PCDHGA7: variants seen among roughly 807,000 people sequenced by gnomAD.
PCDHGA7 encodes protocadherin gamma-A7.
A neutral mutation model predicts 58.3 loss-of-function variants in PCDHGA7; 44 were observed. The ratio of observed to expected loss-of-function variants is 0.75; its 90% confidence interval spans 0.59 to 0.97. PCDHGA7 has a LOEUF of 0.97. Ranked by LOEUF, PCDHGA7 falls within the 50% of genes least tolerant of loss-of-function variation. The pLI is 0.00. For synonymous variants in PCDHGA7, 516 were observed against 504.2 expected, an observed-to-expected ratio of 1.02 and a Z score of -0.31; for missense variants, 1,266 against 1,188.7, an observed-to-expected ratio of 1.06 and a Z score of -0.96.
intron 2 of PCDHGA7, among the ~76,000 whole-genome samples, chr5:141,504,490 TGC>T (rs2099838709): frequency 6.6e-6 from 1 of 152,056 alleles, no homozygotes; most frequent in Non-Finnish European, 1.5e-5. Flanking sequence ...TGGAGGCACC[TGC>T]CCAGTCTGAG....
intron 3 of PCDHGA7, among the ~76,000 whole-genome samples, chr5:141,509,262 ACT>A (rs761383166): frequency 9.2e-5 from 14 of 151,714 alleles, no homozygotes; most frequent in Non-Finnish European, 1.9e-4. Flanking sequence ...GGCTTTAGTC[ACT>A]CTCGCTACCC....
chr5:141,401,295 TCA>T (rs2094138879), intron 1 of PCDHGA7, among the ~76,000 whole-genome samples: 2 of 151,856 alleles, frequency 1.3e-5, no homozygotes, highest in Non-Finnish European at 2.9e-5. Flanking sequence ...TGAGCCGAGA[TCA>T]CTCCATTGCA....
Position 141,491,968 on chromosome 5 carries a change from G to GC in PCDHGA7, c.2425-2837dup. On this transcript the variant is annotated intron_variant, in intron 1 of 3. Coordinates refer to ENST00000518325, the MANE Select transcript of PCDHGA7 (RefSeq NM_018920.4). The surrounding 1 kb of genome is among the most constrained non-coding windows in gnomAD (Gnocchi z 6.9). ...ACCCCTACACTCAAAAAAGGCCGGG[G>GC]CCTCCTTCGAGCTTCCGGTGAATTT... 1.1e-6 allele frequency: 1 copy of GC among 923,644 alleles called. No homozygotes were observed. Among genetic ancestry groups the GC allele is most frequent in the Admixed American group, 3.6e-5 (1 of 27,548 alleles). 57.2% of individuals were successfully genotyped at this position (923,644 alleles called of 1,614,324 possible).
rs2150230162 is a variant in PCDHGA7, at chr5:141,383,367, G to T, written c.468G>T (p.Glu156Asp). The T allele has an allele frequency of 1.9e-6, 3 of 1,614,030 alleles. No individual in the cohort carries two copies. The East Asian group carries it at 6.7e-5, about 36-fold the overall frequency. ...TAPGVRFPLS[E>D]AGDPDVGTNS... ...CTGGGGTTCGGTTTCCGTTAAGCGA[G>T]GCTGGGGATCCAGATGTGGGCACGA... The change falls in exon 1 of 4, where the codon GAG (glutamate) becomes GAT (aspartate). Residue 156 changes from glutamate to aspartate, a missense_variant. Physicochemically the swap from Glu to Asp is conservative, Grantham distance 45 (BLOSUM62 2). Transcript: ENST00000518325.
intron 1 of PCDHGA7, chr5:141,407,937 C>G: frequency 2.0e-6 from 1 of 511,428 alleles, no homozygotes; most frequent in Non-Finnish European, 3.3e-6. Context: ...AGCCTCTGGG[C>G]GCCGCTGTCG....
intron 1 of PCDHGA7, chr5:141,393,608 A>G: frequency 6.2e-7 from 1 of 1,613,986 alleles, no homozygotes; most frequent in Non-Finnish European, 8.5e-7. Context: ...TTACTGTAAC[A>G]GCCAGCGACC....
In PCDHGA7 at chr5:141,491,105, C is replaced by T; in HGVS notation, c.2425-3702C>T. ...ACAGCCCCAGGACTGTTCCTCGTGTCTACACACACTGGTGAGGTGCGCACA... is the reference window on the plus strand; with the variant it reads ...ACAGCCCCAGGACTGTTCCTCGTGTTTACACACACTGGTGAGGTGCGCACA... On this transcript the variant is annotated intron_variant, in intron 1 of 3. Transcript: ENST00000518325. This position sits in a 1 kb window ranked among gnomAD's most constrained non-coding sequence, Gnocchi z 6.9. 1 of 1,614,222 alleles carries T rather than the reference C, an allele frequency of 6.2e-7. No individual in the cohort carries two copies. Among genetic ancestry groups the T allele is most frequent in the Non-Finnish European group, 8.5e-7 (1 of 1,180,032 alleles).
chr5:141,389,443 A>G (rs2091769935), intron 1 of PCDHGA7: 1 of 1,610,442 alleles, frequency 6.2e-7, no homozygotes, highest in Non-Finnish European at 8.5e-7. Context: ...GCCTTCGACC[A>G]CGAGCAGCTG....
At chr5:141,389,528 G>T (rs200792478) in intron 1 of PCDHGA7, 2 of 1,613,210 alleles carry the variant, frequency 1.2e-6, no homozygotes, top group Non-Finnish European at 1.7e-6. Flanking sequence ...GCCTGCGCGT[G>T]TTAGTGGACG....
intron 1 of PCDHGA7, chr5:141,394,548 C>T (rs1176145709): frequency 6.2e-7 from 1 of 1,614,160 alleles, no homozygotes; most frequent in Admixed American, 1.7e-5. Context: ...GGAGCTGGCG[C>T]CCCGCTCCGC....
At position 141,414,140 on chromosome 5, in the gene PCDHGA7, A is replaced by G. The variant is rs764980296; in HGVS notation, c.2424+28817A>G. ...GAAGAAACCGGTTTCTATGAAATAG[A>G]AATACAAGCAGAAGATGGAGGAGCA... On this transcript the variant is annotated intron_variant, in intron 1 of 3. Transcript: ENST00000518325. 4 of 1,596,912 alleles carry G rather than the reference A, an allele frequency of 2.5e-6. No individual in the cohort carries two copies. In the African/African-American group the frequency reaches 5.4e-5, roughly 21 times the overall value.
intron 1 of PCDHGA7, chr5:141,395,381 A>G (rs562557513): frequency 2.0e-4 from 223 of 1,094,768 alleles, no homozygotes; most frequent in African/African-American, 1.2e-3. Context: ...TGGTGTTACT[A>G]TAAAATTGAA....
intron 1 of PCDHGA7, chr5:141,394,240 C>G (rs1392586422): frequency 6.2e-7 from 1 of 1,613,822 alleles, no homozygotes; most frequent in African/African-American, 1.3e-5. Flanking sequence ...TCCTTGACTG[C>G]ACACGACCCC....
Position 141,413,878 on chromosome 5 carries a change from A to G in PCDHGA7, c.2424+28555A>G, listed in dbSNP as rs752517949. ...ATCTGGCACTGTCCTTGTCAGTGTGACTGTCTTCGATGCAAATGACAACGC... is the reference window on the plus strand; with the variant it reads ...ATCTGGCACTGTCCTTGTCAGTGTGGCTGTCTTCGATGCAAATGACAACGC... On this transcript the variant is annotated intron_variant, in intron 1 of 3. Coordinates refer to ENST00000518325, the MANE Select transcript of PCDHGA7 (RefSeq NM_018920.4). 2.5e-6 allele frequency: 4 copies of G among 1,613,272 alleles called. No individual in the cohort carries two copies. The South Asian group carries it at 3.3e-5, about 13-fold the overall frequency.
intron 2 of PCDHGA7, among the ~76,000 whole-genome samples, chr5:141,502,828 G>T (rs928458403): frequency 6.6e-6 from 1 of 150,704 alleles, no homozygotes; most frequent in Non-Finnish European, 1.5e-5. Context: ...CCTTGGGGAA[G>T]CCTGGACTGG....
chr5:141,383,475 G>T lies in PCDHGA7; in HGVS notation c.576G>T (p.Pro192=). ...VQSGDDETKY[P]ELVLERVLDR... Reference sequence around the variant, plus strand: ...GTGGAGACGATGAAACTAAGTACCCGGAACTGGTGCTGGAGCGGGTGCTGG... The same window carrying T: ...GTGGAGACGATGAAACTAAGTACCCTGAACTGGTGCTGGAGCGGGTGCTGG... Residue 192 remains proline, a synonymous_variant, in exon 1 of 4, where the codon CCG becomes CCT. Transcript: ENST00000518325. 6.2e-7 allele frequency: 1 copy of T among 1,613,594 alleles called. No homozygotes were observed. Among genetic ancestry groups the T allele is most frequent in the Non-Finnish European group, 8.5e-7 (1 of 1,179,738 alleles).
Position 141,489,791 on chromosome 5 carries a change from C to G in PCDHGA7, c.2425-5016C>G. ...AGCCACTTCTCTCTGAATGTGAAGA[C>G]CCTAAAAGATGGGAAGCCATTCCCA... On this transcript the variant is annotated intron_variant, in intron 1 of 3. Transcript: ENST00000518325. The surrounding 1 kb of genome is among the most constrained non-coding windows in gnomAD (Gnocchi z 4.5). 2 of 1,614,174 alleles carry G rather than the reference C, an allele frequency of 1.2e-6. No individual in the cohort carries two copies. The highest frequency in any genetic ancestry group is 1.7e-6 in the Non-Finnish European group (2 of 1,180,002).
chr5:141,481,871 G>A (rs372191396), intron 1 of PCDHGA7, among the ~76,000 whole-genome samples: 73 of 144,864 alleles, frequency 5.0e-4, no homozygotes, highest in Non-Finnish European at 9.7e-4. Context: ...CCGAGATCGC[G>A]CCACTGCACT....
chr5:141,385,490 G>A, intron 1 of PCDHGA7, 167 bp downstream of exon 1: 15 of 1,399,988 alleles, frequency 1.1e-5, no homozygotes, highest in East Asian at 2.6e-5. Context: ...AGAACACATA[G>A]GATATAGTAT....
Sources: allele counts gnomAD v4.1 joint callset (sites outside exome capture counted in the v4.1 genomes callset), GRCh38; gene constraint gnomAD v4.1.1; non-coding constraint Gnocchi (gnomAD v3.1); transcripts MANE v1.5; gene names NCBI Gene and HGNC (gene_info 2026-07-23, HGNC 2026-07-21).